HSF1: variants seen among roughly 807,000 people sequenced by gnomAD.
HSF1 encodes heat shock transcription factor 1.
HSF1 carries 32 observed loss-of-function variants against 51.7 expected under a neutral mutation model. The ratio of observed to expected loss-of-function variants is 0.62; its 90% confidence interval spans 0.47 to 0.83. HSF1 has a LOEUF of 0.83. Among genes scored for constraint, HSF1 ranks in the 40% least tolerant of loss-of-function variants. The pLI, the probability that HSF1 is intolerant of heterozygous loss-of-function variation, is 0.00. For missense variants in HSF1, 727 were observed against 717.0 expected, an observed-to-expected ratio of 1.01 and a Z score of -0.16; for synonymous variants, 396 against 309.7, an observed-to-expected ratio of 1.28 and a Z score of -2.92.
At chr8:144,304,388 A>G (rs147425008) in intron 1 of HSF1, among the ~76,000 whole-genome samples, 360 of 152,324 alleles carry the variant, frequency 2.4e-3, no homozygotes, top group Middle Eastern at 3.4e-3. Flanking sequence ...AGTTCCTCAC[A>G]TTGCTGTTCC....
intron 1 of HSF1, among the ~76,000 whole-genome samples, chr8:144,299,191 C>T (rs1461389621): frequency 6.6e-6 from 1 of 152,170 alleles, no homozygotes; most frequent in Non-Finnish European, 1.5e-5. Context: ...CCTGTAATCC[C>T]AGCACTTTGG....
chr8:144,306,810 T>C (rs1478308215), intron 1 of HSF1, among the ~76,000 whole-genome samples: 9 of 152,236 alleles, frequency 5.9e-5, no homozygotes, highest in Non-Finnish European at 1.0e-4. Flanking sequence ...CGTTCTTTCT[T>C]GTTTATGGCC....
intron 9 of HSF1, chr8:144,313,207 T>A (rs1319253096): frequency 2.3e-6 from 1 of 429,438 alleles, no homozygotes; most frequent in Non-Finnish European, 4.3e-6. Context: ...CCCTGAACAC[T>A]GAAATCCCTG....
intron 1 of HSF1, among the ~76,000 whole-genome samples, chr8:144,307,144 T>C (rs1554843449): frequency 6.6e-6 from 1 of 152,180 alleles, no homozygotes; most frequent in Non-Finnish European, 1.5e-5. Context: ...TAGTGGCACC[T>C]CCTTCTCCCC....
intron 5 of HSF1, 29 bp from the exon 6 acceptor site, chr8:144,311,292 C>T (rs782660600): frequency 8.1e-6 from 13 of 1,613,324 alleles, no homozygotes; most frequent in Admixed American, 5.0e-5. Flanking sequence ...CCACAAGGGC[C>T]GGGGTAACTG....
rs556105281 is a variant in HSF1 at position 144,305,978 on chromosome 8, T to C, written c.118-2928T>C. Among the ~76,000 whole-genome samples, 490 of 150,842 alleles carry C rather than the reference T, an allele frequency of 3.2e-3. 3 individuals are homozygous for C. The highest frequency in any genetic ancestry group is 5.7e-3 in the Non-Finnish European group (386 of 67,600). ...AACTCCTGACCTCAGGTGATCCGCC[T>C]GCCTTGGCCTCCCAAACTGCTGGGA... On this transcript the variant is annotated intron_variant, in intron 1 of 12. Transcript: ENST00000528838.
At chr8:144,309,965 G>C (rs1257433850) in intron 4 of HSF1, 69 bp downstream of exon 4, 2 of 1,562,124 alleles carry the variant, frequency 1.3e-6, no homozygotes, top group South Asian at 2.3e-5. Context: ...CGGGTGCTGT[G>C]GGGGCAGGGC....
At position 144,314,407 on chromosome 8, in the gene HSF1, C is replaced by G; in HGVS notation, c.*77C>G. ...TGGTCTTGGGGAGGCAGGGCAGCCT[C>G]GCGGTCTTGGGCACTGGTGGGTCGG... On this transcript the variant is annotated 3_prime_UTR_variant, in exon 13 of 13. Transcript: ENST00000528838. The G allele has an allele frequency of 1.5e-6, 2 of 1,350,016 alleles. No homozygotes were observed. Among genetic ancestry groups the G allele is most frequent in the Non-Finnish European group, 2.0e-6 (2 of 979,830 alleles). The allele number at this position is 1,350,016 out of a possible 1,614,324, so 83.6% of individuals were successfully genotyped here. A position where few individuals can be genotyped will look rare whatever the true frequency, so the allele number is the denominator to read the frequency against.
At chr8:144,306,436 C>T (rs899416333) in intron 1 of HSF1, among the ~76,000 whole-genome samples, 1 of 151,976 alleles carries the variant, frequency 6.6e-6, no homozygotes. Context: ...AATCACAGCT[C>T]ACTGCAGCCT....
chr8:144,310,611 G>A (rs1232225343), intron 4 of HSF1: 5 of 162,500 alleles, frequency 3.1e-5, no homozygotes, highest in African/African-American at 9.6e-5. Context: ...CCGGCCACGT[G>A]GACCTGGCCT....
intron 6 of HSF1, 26 bp from the exon 7 acceptor site, chr8:144,311,479 T>C: frequency 6.2e-7 from 1 of 1,612,692 alleles, no homozygotes; most frequent in Non-Finnish European, 8.5e-7. Context: ...TGGGGGGTGG[T>C]GGCTGACCTG....
intron 4 of HSF1, 139 bp downstream of exon 4, chr8:144,310,035 C>T: frequency 9.4e-7 from 1 of 1,066,790 alleles, no homozygotes. Context: ...TACCCTGGGC[C>T]TCTGCCCCAG....
At chr8:144,296,927 T>G (rs1463181758) in intron 1 of HSF1, among the ~76,000 whole-genome samples, 8 of 150,344 alleles carry the variant, frequency 5.3e-5, no homozygotes, top group South Asian at 4.2e-4. Flanking sequence ...GATGGTGTGG[T>G]GGGGGGGGTG....
chr8:144,298,068 C>G (rs747996744), intron 1 of HSF1, among the ~76,000 whole-genome samples: 38 of 152,126 alleles, frequency 2.5e-4, no homozygotes, highest in Non-Finnish European at 4.3e-4. Flanking sequence ...TTTCCAGTGG[C>G]AGGTTTTCGT....
chr8:144,299,088 A>G (rs1588631584), intron 1 of HSF1, among the ~76,000 whole-genome samples: 2 of 152,330 alleles, frequency 1.3e-5, no homozygotes. Context: ...CCGTGGAAAC[A>G]AGTGCAAGGC....
At position 144,295,713 on chromosome 8, in the gene HSF1, C is replaced by CTTT. The variant is rs536228987; in HGVS notation, c.117+3851_117+3853dup. On this transcript the variant is annotated intron_variant, in intron 1 of 12. Transcript: ENST00000528838. The stretch of plus-strand genomic sequence containing the variant: ...TACAGGCTTGCACCACCAGACCTGG[C>CTTT]TTTTTTTTTTTTTTCTTTTTAAGGT... Among the ~76,000 whole-genome samples, 351 of 144,476 alleles carry CTTT rather than the reference C, an allele frequency of 2.4e-3. 1 individual carries two copies. The highest frequency in any genetic ancestry group is 4.5e-3 in the African/African-American group (175 of 39,316). The allele number at this position is 144,476 out of a possible 152,430, so 94.8% of individuals were successfully genotyped here. A position where few individuals can be genotyped will look rare whatever the true frequency, so the allele number is the denominator to read the frequency against.
rs1372386475 is a variant in HSF1, at chr8:144,308,930, G to A, written c.142G>A (p.Asp48Asn). ...SPSGNSFHVF[D>N]QGQFAKEVLP... ...GAGCGGGAACAGCTTCCACGTGTTC[G>A]ACCAGGGCCAGTTTGCCAAGGAGGT... Residue 48 changes from aspartate (D) to asparagine (N), a missense_variant, in exon 2 of 13, where the codon GAC becomes AAC. Physicochemically the swap from Asp to Asn is conservative, Grantham distance 23. Transcript: ENST00000528838. 8 of 1,614,034 alleles carry A rather than the reference G, an allele frequency of 5.0e-6. No homozygotes were observed. The highest frequency in any genetic ancestry group is 2.2e-5 in the South Asian group (2 of 91,080).
intron 1 of HSF1, chr8:144,292,343 A>T (rs1815148039): frequency 6.5e-6 from 1 of 152,792 alleles, no homozygotes; most frequent in African/African-American, 2.4e-5. Flanking sequence ...GTGGAACAGG[A>T]AAGGCAGTGG....
Position 144,312,022 on chromosome 8 carries a change from GC to G in HSF1, c.925del (p.Arg309GlyfsTer2). Reference protein sequence around the residue: ...VKEEPPSPPQSPRVEEASPGR... With the variant: ...VKEEPPSPPQXPRVEEASPGR... Reference sequence around the variant, plus strand: ...GAGGAGCCCCCCAGCCCGCCTCAGAGCCCCCGGGTAGAGGAGGCGAGTCCCG... The same window carrying G: ...GAGGAGCCCCCCAGCCCGCCTCAGAGCCCCGGGTAGAGGAGGCGAGTCCCG... On this transcript the variant is annotated frameshift_variant, in exon 9 of 13. Transcript: ENST00000528838. LOFTEE classifies it high-confidence loss of function. 2 of 1,606,248 alleles carry G rather than the reference GC, an allele frequency of 1.2e-6. No individual in the cohort carries two copies. The highest frequency in any genetic ancestry group is 1.7e-6 in the Non-Finnish European group (2 of 1,175,906).
Sources: allele counts gnomAD v4.1 joint callset (sites outside exome capture counted in the v4.1 genomes callset), GRCh38; gene constraint gnomAD v4.1.1; transcripts MANE v1.5; gene names NCBI Gene and HGNC (gene_info 2026-07-23, HGNC 2026-07-21).